ANXA3: variants seen among roughly 807,000 people sequenced by gnomAD.
The protein encoded by ANXA3 is annexin A3, also known as 35-alpha calcimedin.
In ANXA3, 46 loss-of-function variants were observed where a neutral mutation model predicts 48.8. That is an observed-to-expected ratio of 0.94 (90% CI 0.74 to 1.21). The LOEUF is 1.21. ANXA3 is among the 50% of genes most tolerant of loss of function. The pLI, the probability that ANXA3 is intolerant of heterozygous loss-of-function variation, is 0.00. For missense variants in ANXA3, 383 were observed against 378.6 expected, an observed-to-expected ratio of 1.01 and a Z score of -0.10; for synonymous variants, 128 against 134.7, an observed-to-expected ratio of 0.95 and a Z score of 0.35.
At chr4:78,572,308 G>A (rs1321641109) in intron 2 of ANXA3, among the ~76,000 whole-genome samples, 1 of 152,196 alleles carries the variant, frequency 6.6e-6, no homozygotes, top group East Asian at 1.9e-4. Context: ...TGTCTGGGGG[G>A]TAGACCATCA....
chr4:78,604,248 G>C, intron 11 of ANXA3, 29 bp from the exon 12 acceptor site: 1 of 1,577,818 alleles, frequency 6.3e-7, no homozygotes, highest in Non-Finnish European at 8.7e-7. Context: ...AATGACATTT[G>C]TGTTGTGAAC....
At chr4:78,600,662 A>G (rs558159244) in intron 10 of ANXA3, among the ~76,000 whole-genome samples, 9 of 152,326 alleles carry the variant, frequency 5.9e-5, no homozygotes, top group Non-Finnish European at 1.2e-4. Flanking sequence ...AAGACAGTCT[A>G]TAAGCCACGA....
chr4:78,605,535 C>T (rs935888171), intron 12 of ANXA3, among the ~76,000 whole-genome samples: 8 of 152,072 alleles, frequency 5.3e-5, no homozygotes, highest in Non-Finnish European at 7.4e-5. Flanking sequence ...TTTCCCAGTC[C>T]GTTCTTTGTC....
chr4:78,607,413 C>T (rs1420472473), intron 12 of ANXA3, among the ~76,000 whole-genome samples: 2 of 152,074 alleles, frequency 1.3e-5, no homozygotes, highest in Non-Finnish European at 2.9e-5. Flanking sequence ...ATTTCTTTGT[C>T]CATTGACACC....
At chr4:78,559,256 A>T (rs1037626765) in intron 2 of ANXA3, among the ~76,000 whole-genome samples, 4 of 151,792 alleles carry the variant, frequency 2.6e-5, no homozygotes, top group East Asian at 1.9e-4. Flanking sequence ...AATTTTTAAA[A>T]TTTTTTTATA....
intron 6 of ANXA3, among the ~76,000 whole-genome samples, chr4:78,589,623 A>G (rs544681719): frequency 6.6e-6 from 1 of 152,206 alleles, no homozygotes; most frequent in Admixed American, 6.5e-5. Context: ...GCTTATAAAT[A>G]TTTGTGCATA....
At position 78,563,253 on chromosome 4, in the gene ANXA3, G is replaced by C. The variant is rs537941711; in HGVS notation, c.15+8765G>C. ...ATTTATGTAAGAAGTATTCTGCCCA[G>C]AATATTACAAACAGGAGACATCCCT... On this transcript the variant is annotated intron_variant, in intron 2 of 12. Transcript: ENST00000264908. Among the ~76,000 whole-genome samples the C allele has an allele frequency of 8.5e-5, 13 of 152,278 alleles. No individual in the cohort carries two copies. In the South Asian group the frequency reaches 2.3e-3, roughly 27 times the overall value.
rs1395134099 is a variant in ANXA3 at position 78,597,280 on chromosome 4, C to T, written c.635-39C>T. 3.0e-6 allele frequency: 4 copies of T among 1,330,498 alleles called. No individual in the cohort carries two copies. In the African/African-American group the frequency reaches 4.4e-5, roughly 15 times the overall value. 82.4% of individuals were successfully genotyped at this position (1,330,498 alleles called of 1,614,324 possible). A position where few individuals can be genotyped will look rare whatever the true frequency, so the allele number is the denominator to read the frequency against. The stretch of plus-strand genomic sequence containing the variant: ...CTAGAATATATTCAAATGTGCTCAA[C>T]TGCGTTGCTTTAAATAATTTTGTGG... On this transcript the variant is annotated intron_variant, in intron 9 of 12. Transcript: ENST00000264908.
chr4:78,573,401 C>T (rs752052996), intron 3 of ANXA3, 134 bp downstream of exon 3: 57 of 652,310 alleles, frequency 8.7e-5, no homozygotes, highest in Middle Eastern at 3.3e-4. Flanking sequence ...TGTGAAATAA[C>T]GAGGAAATAT....
At chr4:78,565,253 A>C (rs1328652094) in intron 2 of ANXA3, among the ~76,000 whole-genome samples, 3 of 152,110 alleles carry the variant, frequency 2.0e-5, no homozygotes, top group African/African-American at 4.8e-5. Context: ...AAGCACAGAG[A>C]TTACAGGTGT....
chr4:78,597,219 G>A, intron 9 of ANXA3, 100 bp from the exon 10 acceptor site: 1 of 734,546 alleles, frequency 1.4e-6, no homozygotes, highest in East Asian at 3.0e-5. Context: ...GAGTTTTTTA[G>A]CTTGCTACTT....
intron 2 of ANXA3, among the ~76,000 whole-genome samples, chr4:78,563,700 T>C (rs1722672334): frequency 6.6e-6 from 1 of 152,216 alleles, no homozygotes; most frequent in African/African-American, 2.4e-5. Flanking sequence ...TTTTGTTATA[T>C]CAGCCTGGAA....
chr4:78,556,603 G>A (rs940144373), intron 2 of ANXA3, among the ~76,000 whole-genome samples: 4 of 152,080 alleles, frequency 2.6e-5, no homozygotes, highest in Non-Finnish European at 4.4e-5. Context: ...TTGGCCTGGC[G>A]TATGGATGGA....
intron 5 of ANXA3, 131 bp from the exon 6 acceptor site, chr4:78,586,129 A>G (rs1190068609): frequency 1.2e-5 from 6 of 494,234 alleles, no homozygotes; most frequent in Non-Finnish European, 2.1e-5. Flanking sequence ...AGAAAACGAG[A>G]GCAATAGAGA....
At chr4:78,564,760 G>A (rs1418871906) in intron 2 of ANXA3, among the ~76,000 whole-genome samples, 1 of 152,174 alleles carries the variant, frequency 6.6e-6, no homozygotes, top group Non-Finnish European at 1.5e-5. Flanking sequence ...AATCATTCCA[G>A]TTAGAGAGAA....
chr4:78,589,801 A>G (rs73828038), intron 6 of ANXA3, among the ~76,000 whole-genome samples: 317 of 152,330 alleles, frequency 2.1e-3, no homozygotes, highest in African/African-American at 7.3e-3. Context: ...AAGGGACCAG[A>G]TGTCTTCTAC....
At chr4:78,586,376 C>T in intron 6 of ANXA3, 26 bp downstream of exon 6, 1 of 1,525,798 alleles carries the variant, frequency 6.6e-7, no homozygotes, top group Non-Finnish European at 9.1e-7. Flanking sequence ...CTTACCTTCA[C>T]CACTGTTCAC....
At chr4:78,561,476 C>T (rs559149438) in intron 2 of ANXA3, among the ~76,000 whole-genome samples, 1 of 152,258 alleles carries the variant, frequency 6.6e-6, no homozygotes, top group African/African-American at 2.4e-5. Flanking sequence ...TTCCTGGGTT[C>T]AAAGAGTTTG....
At chr4:78,602,789 C>G (rs923829479) in intron 11 of ANXA3, 7 of 152,498 alleles carry the variant, frequency 4.6e-5, no homozygotes, top group African/African-American at 1.4e-4. Flanking sequence ...CTCCCCTTCC[C>G]CTGTTCAGTC....
Sources: gnomAD v4.1 joint callset for allele counts (sites outside exome capture counted in the v4.1 genomes callset) on GRCh38, gnomAD v4.1.1 for gene constraint, MANE v1.5 for transcripts, NCBI Gene and HGNC (gene_info 2026-07-23, HGNC 2026-07-21) for gene names.